The following COL4A2 variants were observed in gnomAD, a reference collection of about 807,000 sequenced individuals.
COL4A2 encodes the protein collagen alpha-2(IV) chain.
A neutral mutation model predicts 200.2 loss-of-function variants in COL4A2; 99 were observed. The ratio of observed to expected loss-of-function variants is 0.49; its 90% confidence interval spans 0.42 to 0.58. The LOEUF is 0.58. Ranked by LOEUF, COL4A2 falls within the 20% of genes least tolerant of loss-of-function variation. COL4A2 has a pLI of 0.00. For synonymous variants in COL4A2, 897 were observed against 900.6 expected (o/e 1.00, Z 0.07); for missense variants, 1,950 against 2,314.1 (o/e 0.84, Z 3.23).
chr13:110,436,482 G>C, intron 13 of COL4A2, 115 bp downstream of exon 13: 1 of 1,357,006 alleles, frequency 7.4e-7, no homozygotes, highest in Non-Finnish European at 9.8e-7. Context: ...CCACCAACTT[G>C]GCACATTACC....
intron 3 of COL4A2, among the ~76,000 whole-genome samples, chr13:110,323,703 T>G (rs1246430261): frequency 6.6e-6 from 1 of 152,198 alleles, no homozygotes; most frequent in Non-Finnish European, 1.5e-5. Flanking sequence ...AGGCCCCAGG[T>G]GGCTCCCTGA....
chr13:110,477,195 A>G (rs1430662822), intron 29 of COL4A2, among the ~76,000 whole-genome samples: 1 of 152,174 alleles, frequency 6.6e-6, no homozygotes, highest in East Asian at 1.9e-4. Flanking sequence ...TTTAAAAAAG[A>G]AAGAAAGAAA....
chr13:110,308,223 GTGTGTGCGTGTGGA>G, intron 3 of COL4A2, 100 bp downstream of exon 3: 1 of 1,323,952 alleles, frequency 7.6e-7, no homozygotes, highest in Non-Finnish European at 1.1e-6. Context: ...TCCCGAGTGT[GTGTGTGCGTGTGGA>G]TGTTCGCCAG....
At chr13:110,505,066 A>AG (rs1207032845) in intron 45 of COL4A2, among the ~76,000 whole-genome samples, 4 of 151,580 alleles carry the variant, frequency 2.6e-5, no homozygotes. Context: ...AATTAAACAT[A>AG]GGGGCCGGGC....
At chr13:110,352,642 T>A (rs1877013840) in intron 3 of COL4A2, among the ~76,000 whole-genome samples, 1 of 152,184 alleles carries the variant, frequency 6.6e-6, no homozygotes, top group South Asian at 2.1e-4. Flanking sequence ...ATGTGAGGTG[T>A]CCTCTCACTG....
intron 4 of COL4A2, among the ~76,000 whole-genome samples, chr13:110,422,389 G>C (rs1880286735): frequency 6.6e-6 from 1 of 152,174 alleles, no homozygotes. Flanking sequence ...TCCAGGGCCA[G>C]GGCCACCCAT....
intron 3 of COL4A2, among the ~76,000 whole-genome samples, chr13:110,313,082 A>G (rs1885030375): frequency 1.3e-5 from 2 of 152,194 alleles, no homozygotes; most frequent in Non-Finnish European, 2.9e-5. Flanking sequence ...GATATCGCTT[A>G]GAAATCAATA....
intron 24 of COL4A2, chr13:110,463,211 C>A (rs9521787): frequency 0.58 from 89,170 of 152,610 alleles, 26,763 homozygotes; most frequent in Middle Eastern, 0.75. Context: ...CCCAGGTTCC[C>A]GGAGCTCTGG....
At chr13:110,472,810 G>A (rs1347507357) in intron 28 of COL4A2, 119 bp from the exon 29 acceptor site, 2 of 804,290 alleles carry the variant, frequency 2.5e-6, no homozygotes, top group East Asian at 5.4e-5. Flanking sequence ...TCGAGCTGAG[G>A]AATGCCTTCT....
intron 29 of COL4A2, chr13:110,473,370 C>A (rs951392826): frequency 3.8e-6 from 2 of 522,204 alleles, no homozygotes; most frequent in African/African-American, 2.0e-5. Context: ...CATCTGAGAA[C>A]TTTGACAGGT....
intron 4 of COL4A2, among the ~76,000 whole-genome samples, chr13:110,373,474 C>T (rs1368050587): frequency 1.3e-5 from 2 of 152,146 alleles, no homozygotes; most frequent in Non-Finnish European, 2.9e-5. Flanking sequence ...TAGAACAGTC[C>T]TCCTGATGTG....
Position 110,512,536 on chromosome 13 carries a change from T to G in COL4A2, c.*345T>G. 3.7e-6 allele frequency: 1 copy of G among 266,904 alleles called. No homozygotes were observed. Among genetic ancestry groups the G allele is most frequent in the Non-Finnish European group, 7.1e-6 (1 of 140,492 alleles). 16.5% of individuals were successfully genotyped at this position (266,904 alleles called of 1,614,324 possible). ...GACAACTCACATTGTTCAACTCCCT[T>G]CTCGGGGTGGGACAGACGAGACAAC... On this transcript the variant is annotated 3_prime_UTR_variant, in exon 48 of 48. Transcript: ENST00000360467.
At chr13:110,392,560 G>A (rs377476052) in intron 4 of COL4A2, among the ~76,000 whole-genome samples, 5 of 152,108 alleles carry the variant, frequency 3.3e-5, no homozygotes, top group African/African-American at 1.2e-4. Flanking sequence ...CCTGTGAATT[G>A]TTCACCCAAA....
intron 3 of COL4A2, among the ~76,000 whole-genome samples, chr13:110,316,408 A>G (rs1392809885): frequency 6.6e-6 from 1 of 152,166 alleles, no homozygotes; most frequent in Admixed American, 6.5e-5. Flanking sequence ...AATCATTGCA[A>G]ACTGTGTCGG....
At chr13:110,362,507 G>A (rs1877564147) in intron 4 of COL4A2, among the ~76,000 whole-genome samples, 1 of 150,846 alleles carries the variant, frequency 6.6e-6, no homozygotes, top group South Asian at 2.1e-4. Context: ...TTTTTGTGGA[G>A]ATGGGATTTT....
intron 3 of COL4A2, among the ~76,000 whole-genome samples, chr13:110,314,654 A>G (rs1422165589): frequency 2.0e-5 from 3 of 152,192 alleles, no homozygotes. Context: ...TCCTGAGCCC[A>G]AGATGGAAGG....
At chr13:110,390,848 C>A (rs570366683) in intron 4 of COL4A2, among the ~76,000 whole-genome samples, 1 of 152,182 alleles carries the variant, frequency 6.6e-6, no homozygotes, top group African/African-American at 2.4e-5. Context: ...CCATGGTATC[C>A]TAAACGTTTG....
chr13:110,490,842 T>G (rs1361020547), intron 36 of COL4A2, among the ~76,000 whole-genome samples: 1 of 152,216 alleles, frequency 6.6e-6, no homozygotes, highest in Non-Finnish European at 1.5e-5. Context: ...GCTGTTACCT[T>G]TGAACATTTT....
intron 3 of COL4A2, among the ~76,000 whole-genome samples, chr13:110,332,506 C>T (rs1472949537): frequency 4.6e-5 from 7 of 152,208 alleles, no homozygotes; most frequent in African/African-American, 9.7e-5. Flanking sequence ...GGACGGCTCC[C>T]ACACACAGCA....
Sources: allele counts gnomAD v4.1 joint callset (sites outside exome capture counted in the v4.1 genomes callset), GRCh38; gene constraint gnomAD v4.1.1; transcripts MANE v1.5; gene names NCBI Gene and HGNC (gene_info 2026-07-23, HGNC 2026-07-21).